ENTPD1: variants seen among roughly 807,000 people sequenced by gnomAD.
ENTPD1 encodes the protein ATP diphosphohydrolase.
In ENTPD1, 33 loss-of-function variants were observed where a neutral mutation model predicts 57.0. That is an observed-to-expected ratio of 0.58 (90% CI 0.44 to 0.77). ENTPD1 has a LOEUF of 0.77. ENTPD1 is among the 30% of genes least tolerant of loss of function. The pLI, the probability that ENTPD1 is intolerant of heterozygous loss-of-function variation, is 0.00. For missense variants in ENTPD1, 501 were observed against 603.4 expected (o/e 0.83, Z 1.78); for synonymous variants, 202 against 218.8 (o/e 0.92, Z 0.68).
At chr10:95,766,569 T>C (rs1464404250) in intron 1 of ENTPD1, among the ~76,000 whole-genome samples, 1 of 152,220 alleles carries the variant, frequency 6.6e-6, no homozygotes, top group African/African-American at 2.4e-5. Context: ...CATATTTTGA[T>C]AAAATATTGA....
chr10:95,826,999 A>G (rs2098379540), intron 2 of ENTPD1, among the ~76,000 whole-genome samples: 1 of 152,336 alleles, frequency 6.6e-6, no homozygotes, highest in South Asian at 2.1e-4. Context: ...TTCTAAGCAG[A>G]TATCTACTGC....
chr10:95,715,913 G>C (rs1477727892), intron 1 of ENTPD1, among the ~76,000 whole-genome samples: 1 of 152,146 alleles, frequency 6.6e-6, no homozygotes, highest in Non-Finnish European at 1.5e-5. Flanking sequence ...CACTCAGGCT[G>C]AAGTGCAGTG....
At chr10:95,697,611 G>A in the ENTPD1 span, among the ~76,000 whole-genome samples, 3 of 152,136 alleles carry the variant, frequency 2.0e-5, no homozygotes, top group African/African-American at 7.2e-5. Flanking sequence ...TTTACAAGAA[G>A]AGGAACAGAG....
At chr10:95,863,518 A>C (rs942153085) in intron 8 of ENTPD1, among the ~76,000 whole-genome samples, 1 of 152,234 alleles carries the variant, frequency 6.6e-6, no homozygotes, top group African/African-American at 2.4e-5. Flanking sequence ...GGAATCAATC[A>C]AAGGATAATT....
In ENTPD1 at chr10:95,748,770, A is replaced by C. The variant is rs2098008760; in HGVS notation, c.37+36777A>C. On this transcript the variant is annotated intron_variant, in intron 1 of 9. Transcript: ENST00000453258. ...TATTAATTTTATTGGTATATCTTTT[A>C]AATCTCTTTTAATTTATAGGTAACT... Among the ~76,000 whole-genome samples, 3 of 152,194 alleles carry C rather than the reference A, an allele frequency of 2.0e-5. No homozygotes were observed. The South Asian group carries it at 6.2e-4, about 32-fold the overall frequency.
chr10:95,828,709 A>ATTTTTT (rs5787162), intron 2 of ENTPD1, among the ~76,000 whole-genome samples: 1 of 132,148 alleles, frequency 7.6e-6, no homozygotes, highest in Non-Finnish European at 1.6e-5. Flanking sequence ...GGTTATCCCC[A>ATTTTTT]TTTTTTTTTT....
At chr10:95,775,257 A>G (rs2098129744) in intron 1 of ENTPD1, among the ~76,000 whole-genome samples, 1 of 152,226 alleles carries the variant, frequency 6.6e-6, no homozygotes. Flanking sequence ...TAAATATACA[A>G]TCAGGTCATC....
intron 7 of ENTPD1, among the ~76,000 whole-genome samples, chr10:95,856,855 T>TA (rs1301586776): frequency 6.6e-6 from 1 of 150,996 alleles, no homozygotes; most frequent in Non-Finnish European, 1.5e-5. Flanking sequence ...TATAATTATA[T>TA]AAATATGTAT....
chr10:95,796,898 T>C (rs2098228430), intron 1 of ENTPD1, among the ~76,000 whole-genome samples: 1 of 151,762 alleles, frequency 6.6e-6, no homozygotes, highest in South Asian at 2.1e-4. Flanking sequence ...GGGCAACATA[T>C]TGAGACCCTG....
chr10:95,842,775 A>T (rs1467662341), intron 4 of ENTPD1, among the ~76,000 whole-genome samples: 2 of 152,152 alleles, frequency 1.3e-5, no homozygotes, highest in Non-Finnish European at 2.9e-5. Flanking sequence ...CTGGGCCCGT[A>T]TACTCTGGGG....
intron 2 of ENTPD1, among the ~76,000 whole-genome samples, chr10:95,829,182 T>C (rs896275325): frequency 6.6e-6 from 1 of 152,216 alleles, no homozygotes; most frequent in Non-Finnish European, 1.5e-5. Flanking sequence ...GCATGCAGGA[T>C]GTTTATTTTG....
chr10:95,847,774 G>T, intron 7 of ENTPD1, 68 bp downstream of exon 7: 3 of 1,606,946 alleles, frequency 1.9e-6, no homozygotes, highest in African/African-American at 1.3e-5. Context: ...GCCTACAAAA[G>T]ATTTAAATAA....
intron 1 of ENTPD1, among the ~76,000 whole-genome samples, chr10:95,806,260 C>A (rs1173308359): frequency 1.3e-5 from 2 of 152,164 alleles, no homozygotes; most frequent in African/African-American, 4.8e-5. Flanking sequence ...ATCATTGATA[C>A]CCTTTCTTCC....
rs1339052554 is a variant in ENTPD1, at chr10:95,871,451, C to G, written c.*5068C>G. 1 of 985,300 alleles carries G rather than the reference C, an allele frequency of 1.0e-6. No individual in the cohort carries two copies. Among genetic ancestry groups the G allele is most frequent in the African/African-American group, 1.7e-5 (1 of 57,240 alleles). 61.0% of individuals were successfully genotyped at this position (985,300 alleles called of 1,614,324 possible). A position where few individuals can be genotyped will look rare whatever the true frequency, so the allele number is the denominator to read the frequency against. On this transcript the variant is annotated 3_prime_UTR_variant, in exon 10 of 10. Coordinates refer to ENST00000371205, the MANE Select transcript of ENTPD1 (RefSeq NM_001776.6). ...GTAGATGTCCTAGGAAACCATACAT[C>G]TATGTATTTTTCTTATTTTATACGT...
intron 7 of ENTPD1, among the ~76,000 whole-genome samples, chr10:95,852,217 A>G (rs1362206723): frequency 6.6e-6 from 1 of 152,204 alleles, no homozygotes; most frequent in Non-Finnish European, 1.5e-5. Flanking sequence ...TGTTGGCTGC[A>G]AAAATGTCTT....
At chr10:95,839,904 C>T (rs982602504) in intron 3 of ENTPD1, 96 bp downstream of exon 3, 32 of 1,234,234 alleles carry the variant, frequency 2.6e-5, no homozygotes, top group Middle Eastern at 2.0e-4. Context: ...AGGAGTCCCA[C>T]GCATAGGAAG....
At chr10:95,769,117 C>T (rs905573970) in intron 1 of ENTPD1, among the ~76,000 whole-genome samples, 2 of 152,208 alleles carry the variant, frequency 1.3e-5, no homozygotes, top group Admixed American at 6.5e-5. Flanking sequence ...GCAAAAGTCT[C>T]GCCATGTACA....
intron 1 of ENTPD1, among the ~76,000 whole-genome samples, chr10:95,818,198 A>AATTCATTC (rs550755554): frequency 6.6e-6 from 1 of 152,186 alleles, no homozygotes; most frequent in South Asian, 2.1e-4. Context: ...GAGAATCCAA[A>AATTCATTC]ATTCATTCAT....
intron 7 of ENTPD1, among the ~76,000 whole-genome samples, chr10:95,858,901 T>G (rs2140961975): frequency 6.6e-6 from 1 of 152,348 alleles, no homozygotes; most frequent in East Asian, 1.9e-4. Context: ...GAGGGATTTC[T>G]ATAAAGGATT....
Sources: allele counts gnomAD v4.1 joint callset (sites outside exome capture counted in the v4.1 genomes callset), GRCh38; gene constraint gnomAD v4.1.1; transcripts MANE v1.5; gene names NCBI Gene and HGNC (gene_info 2026-07-23, HGNC 2026-07-21).